The following F2RL1 variants were observed in gnomAD, a reference collection of about 807,000 sequenced individuals.
The protein encoded by F2RL1 is proteinase-activated receptor 2.
Under a neutral mutation model 21.7 loss-of-function variants are expected in F2RL1, and 16 were observed. The ratio of observed to expected loss-of-function variants is 0.74; its 90% confidence interval spans 0.50 to 1.12. The LOEUF is 1.12. Ranked by LOEUF, F2RL1 falls within the 50% of genes most tolerant of loss-of-function variation. The probability of loss-of-function intolerance (pLI) is 0.00; values close to 1 mark genes in which losing one functional copy is unlikely to be tolerated. For synonymous variants in F2RL1, 181 were observed against 186.7 expected (o/e 0.97, Z 0.25); for missense variants, 432 against 477.8 (o/e 0.90, Z 0.89).
intron 1 of F2RL1, among the ~76,000 whole-genome samples, chr5:76,831,312 T>G (rs973217771): frequency 6.6e-6 from 1 of 151,896 alleles, no homozygotes; most frequent in African/African-American, 2.4e-5. Context: ...AGGCTATCGT[T>G]GTGGGTGAAA....
At chr5:76,823,525 C>T (rs2243025) in intron 1 of F2RL1, among the ~76,000 whole-genome samples, 1,818 of 151,736 alleles carry the variant, frequency 0.012, 47 homozygotes, top group African/African-American at 0.042. Context: ...ATTACAGATG[C>T]GCGCCAACAC....
intron 1 of F2RL1, among the ~76,000 whole-genome samples, chr5:76,824,882 G>C (rs1013054087): frequency 2.0e-5 from 3 of 152,032 alleles, no homozygotes; most frequent in African/African-American, 7.2e-5. Context: ...ATAATATAGA[G>C]AGGTGTAAAA....
chr5:76,820,652 GT>G (rs1750116789), intron 1 of F2RL1, among the ~76,000 whole-genome samples: 1 of 152,170 alleles, frequency 6.6e-6, no homozygotes, highest in South Asian at 2.1e-4. Context: ...AAAAATACAT[GT>G]TGGTATAGCT....
In F2RL1 at chr5:76,819,650, G is replaced by A. The variant is rs182415546; in HGVS notation, c.82+386G>A. Among the ~76,000 whole-genome samples, 449 of 152,240 alleles carry A rather than the reference G, an allele frequency of 2.9e-3. 2 individuals carry two copies. The highest frequency in any genetic ancestry group is 0.017 in the South Asian group (82 of 4,824). ...TCCCCTCCCCGGGCTTGGTTGCTTTGTAAACACTAAGTCATTAAGAGCTTT... is the reference window on the plus strand; with the variant it reads ...TCCCCTCCCCGGGCTTGGTTGCTTTATAAACACTAAGTCATTAAGAGCTTT... On this transcript the variant is annotated intron_variant, in intron 1 of 1. Transcript: ENST00000296677.
Position 76,819,172 on chromosome 5 carries a change from C to A in F2RL1, c.-11C>A. Reference sequence around the variant, plus strand: ...ATTCCCCGCGCGCCCGGCGTCGGGGCTTCCAGGAGGATGCGGAGCCCCAGC... The same window carrying A: ...ATTCCCCGCGCGCCCGGCGTCGGGGATTCCAGGAGGATGCGGAGCCCCAGC... On this transcript the variant is annotated 5_prime_UTR_variant, in exon 1 of 2. Transcript: ENST00000296677. The A allele has an allele frequency of 6.4e-7, 1 of 1,573,668 alleles. No individual in the cohort carries two copies. Among genetic ancestry groups the A allele is most frequent in the East Asian group, 2.3e-5 (1 of 43,902 alleles).
intron 1 of F2RL1, among the ~76,000 whole-genome samples, chr5:76,827,115 T>TG (rs1010448890): frequency 1.0e-3 from 159 of 151,440 alleles, no homozygotes; most frequent in African/African-American, 3.5e-3. Context: ...CCTCCCAAAG[T>TG]GATAGGATTA....
intron 1 of F2RL1, among the ~76,000 whole-genome samples, chr5:76,831,073 A>G (rs1352149055): frequency 6.6e-6 from 1 of 152,086 alleles, no homozygotes; most frequent in Non-Finnish European, 1.5e-5. Context: ...GTTCATGAAT[A>G]CTTAGGGGCA....
At chr5:76,820,432 C>A (rs1750112261) in intron 1 of F2RL1, among the ~76,000 whole-genome samples, 1 of 152,130 alleles carries the variant, frequency 6.6e-6, no homozygotes, top group Non-Finnish European at 1.5e-5. Context: ...GAATGTGATT[C>A]TTTTCCCTCT....
At chr5:76,823,061 T>A (rs189877530) in intron 1 of F2RL1, among the ~76,000 whole-genome samples, 60 of 152,162 alleles carry the variant, frequency 3.9e-4, no homozygotes, top group African/African-American at 1.4e-3. Flanking sequence ...AAACCCTGTC[T>A]CTACTAAAAA....
At chr5:76,827,325 CAAA>C (rs764040748) in intron 1 of F2RL1, among the ~76,000 whole-genome samples, 1,354 of 87,552 alleles carry the variant, frequency 0.015, 14 homozygotes, top group African/African-American at 0.059. Context: ...ACTAAAAATA[CAAA>C]AAAAAAAAAA....
At position 76,833,590 on chromosome 5, in the gene F2RL1, T is replaced by G; in HGVS notation, c.983T>G (p.Val328Gly). ...GQSHVYALYI[V>G]ALCLSTLNSC... The stretch of plus-strand genomic sequence containing the variant: ...AGCCATGTCTATGCCCTGTACATTG[T>G]AGCCCTCTGCCTCTCTACCCTTAAC... The change falls in exon 2 of 2, where the codon GTA becomes GGA. Residue 328 changes from valine (V) to glycine (G), a missense_variant. Physicochemically the swap from Val to Gly is moderately radical, Grantham distance 109 (BLOSUM62 -3). Transcript: ENST00000296677. 1 of 1,613,974 alleles carries G rather than the reference T, an allele frequency of 6.2e-7. No individual in the cohort carries two copies. Among genetic ancestry groups the G allele is most frequent in the East Asian group, 2.2e-5 (1 of 44,836 alleles).
At chr5:76,824,058 TGCCTCG>T (rs1009143539) in intron 1 of F2RL1, among the ~76,000 whole-genome samples, 4 of 150,752 alleles carry the variant, frequency 2.7e-5, no homozygotes, top group African/African-American at 9.8e-5. Context: ...GTGACCCACC[TGCCTCG>T]GCCTCCCAAA....
Position 76,833,300 on chromosome 5 carries a change from T to C in F2RL1, c.693T>C (p.Pro231=). 2 of 1,613,914 alleles carry C rather than the reference T, an allele frequency of 1.2e-6. No individual in the cohort carries two copies. Among genetic ancestry groups the C allele is most frequent in the Non-Finnish European group, 1.7e-6 (2 of 1,180,004 alleles). Residue 231 remains proline, a synonymous_variant, in exon 2 of 2, where the codon CCT becomes CCC. Coordinates refer to ENST00000296677, the MANE Select transcript of F2RL1 (RefSeq NM_005242.6). ...TCACGACCTGTCATGATGTTTTGCC[T>C]GAGCAGCTCTTGGTGGGAGACATGT... ...LNITTCHDVL[P]EQLLVGDMFN...
At chr5:76,819,583 A>G (rs1442051832) in intron 1 of F2RL1, among the ~76,000 whole-genome samples, 1 of 152,138 alleles carries the variant, frequency 6.6e-6, no homozygotes, top group Non-Finnish European at 1.5e-5. Flanking sequence ...AAGGGAGGGA[A>G]GGAAGGAGTA....
intron 1 of F2RL1, among the ~76,000 whole-genome samples, chr5:76,831,236 G>A (rs1256344456): frequency 6.6e-6 from 1 of 152,162 alleles, no homozygotes; most frequent in Non-Finnish European, 1.5e-5. Context: ...TTCCCTGCCA[G>A]TTGGCCTCCA....
chr5:76,826,517 CT>C (rs747365797), intron 1 of F2RL1, among the ~76,000 whole-genome samples: 264 of 144,758 alleles, frequency 1.8e-3, no homozygotes, highest in East Asian at 2.4e-3. Context: ...TGTATCAGTA[CT>C]TTTTTTTTTT....
At chr5:76,828,798 G>A (rs955135514) in intron 1 of F2RL1, among the ~76,000 whole-genome samples, 1 of 151,946 alleles carries the variant, frequency 6.6e-6, no homozygotes, top group Non-Finnish European at 1.5e-5. Flanking sequence ...CTGGCTTTGT[G>A]TTCAAATTTC....
intron 1 of F2RL1, among the ~76,000 whole-genome samples, chr5:76,823,876 T>C (rs1174337110): frequency 6.8e-6 from 1 of 148,132 alleles, no homozygotes; most frequent in African/African-American, 2.5e-5. Context: ...GAAGGGGCGC[T>C]ATCTCAGCTC....
chr5:76,832,621 T>C, intron 1 of F2RL1, 69 bp from the exon 2 acceptor site: 1 of 1,417,608 alleles, frequency 7.1e-7, no homozygotes, highest in South Asian at 1.4e-5. Context: ...GTACTTTCAT[T>C]TGAACAAACC....
Sources: gnomAD v4.1 joint callset for allele counts (sites outside exome capture counted in the v4.1 genomes callset) on GRCh38, gnomAD v4.1.1 for gene constraint, MANE v1.5 for transcripts, NCBI Gene and HGNC (gene_info 2026-07-23, HGNC 2026-07-21) for gene names.